NEO1: variants seen among roughly 807,000 people sequenced by gnomAD.
NEO1 encodes the protein neogenin 1, also known as neogenin.
A neutral mutation model predicts 159.7 loss-of-function variants in NEO1; 63 were observed. The ratio of observed to expected loss-of-function variants is 0.39; its 90% confidence interval spans 0.32 to 0.49. NEO1 has a LOEUF of 0.49. Ranked by LOEUF, NEO1 falls within the 20% of genes least tolerant of loss-of-function variation. NEO1 has a pLI of 0.85. For synonymous variants in NEO1, 633 were observed against 662.0 expected, an observed-to-expected ratio of 0.96 and a Z score of 0.67; for missense variants, 1,615 against 1,831.0, an observed-to-expected ratio of 0.88 and a Z score of 2.15.
intron 7 of NEO1, among the ~76,000 whole-genome samples, chr15:73,212,580 A>T (rs1388931290): frequency 6.6e-6 from 1 of 152,222 alleles, no homozygotes; most frequent in Admixed American, 6.5e-5. Context: ...GCTTTTTCAG[A>T]AGACAGTATT....
At position 73,052,643 on chromosome 15, in the gene NEO1, TCGC is replaced by T; in HGVS notation, c.-26_-24del. ...AGGAGGCAAGGGCTCCGCGGCGCTG[TCGC>T]CGCCGCTGCCGCTCACTCTCGGGGA... On this transcript the variant is annotated 5_prime_UTR_variant, in exon 1 of 29. Coordinates refer to ENST00000261908, the MANE Select transcript of NEO1 (RefSeq NM_002499.4). The T allele has an allele frequency of 8.1e-7, 1 of 1,227,264 alleles. No homozygotes were observed. The highest frequency in any genetic ancestry group is 1.0e-6 in the Non-Finnish European group (1 of 978,972). The allele number at this position is 1,227,264 out of a possible 1,614,324, so 76.0% of individuals were successfully genotyped here.
At chr15:73,282,016 T>G (rs1312123889) in intron 22 of NEO1, among the ~76,000 whole-genome samples, 2 of 152,192 alleles carry the variant, frequency 1.3e-5, no homozygotes, top group Non-Finnish European at 2.9e-5. Context: ...GCCTTATCCC[T>G]TTTTTCCTCC....
At chr15:73,182,286 A>C (rs2151973216) in intron 7 of NEO1, among the ~76,000 whole-genome samples, 1 of 152,302 alleles carries the variant, frequency 6.6e-6, no homozygotes, top group African/African-American at 2.4e-5. Flanking sequence ...CATCCAAACC[A>C]TATCACTAGA....
intron 8 of NEO1, among the ~76,000 whole-genome samples, chr15:73,242,528 C>T (rs1442174260): frequency 1.3e-5 from 2 of 151,904 alleles, no homozygotes; most frequent in Admixed American, 6.6e-5. Flanking sequence ...ATTAGCCGGG[C>T]GTGGTGGTGT....
chr15:73,236,412 C>A lies in NEO1; in HGVS notation c.1357C>A (p.Arg453Ser). 6 of 1,614,118 alleles carry A rather than the reference C, an allele frequency of 3.7e-6. No individual in the cohort carries two copies. The highest frequency in any genetic ancestry group is 5.1e-6 in the Non-Finnish European group (6 of 1,180,014). The change falls in exon 8 of 29, where the codon CGC becomes AGC. Residue 453 changes from arginine to serine, a missense_variant. By Grantham distance (110) the Arg-to-Ser change is moderately radical. This residue lies in a region of NEO1 where 1,018 missense variants were observed against 1,115.4 expected (regional missense o/e 0.91). Transcript: ENST00000261908. ...TGTCGTGGCCTCCCTGGTCTCTACCCGCTTCATCAAATTGACGTGGCGGAC... is the reference window on the plus strand; with the variant it reads ...TGTCGTGGCCTCCCTGGTCTCTACCAGCTTCATCAAATTGACGTGGCGGAC... ...RDVVASLVST[R>S]FIKLTWRTPA...
chr15:73,283,268 T>C (rs184672482), intron 23 of NEO1, among the ~76,000 whole-genome samples, 157 bp downstream of exon 23: 14 of 152,360 alleles, frequency 9.2e-5, no homozygotes, highest in Admixed American at 8.5e-4. Flanking sequence ...GTTCCTCTTA[T>C]CAGTCAGTGT....
At chr15:73,089,602 A>AT (rs200249919) in intron 1 of NEO1, among the ~76,000 whole-genome samples, 4,159 of 139,928 alleles carry the variant, frequency 0.03, 110 homozygotes, top group African/African-American at 0.076. Flanking sequence ...AACTTACACC[A>AT]TTTTTTTTTT....
rs767526359 is a variant in NEO1, at chr15:73,301,377, A to G, written c.4222A>G (p.Ser1408Gly). The change falls in exon 28 of 29, where the codon AGC becomes GGC. Residue 1408 changes from serine to glycine, a missense_variant. Coordinates refer to ENST00000261908, the MANE Select transcript of NEO1 (RefSeq NM_002499.4). ...KTASIGTLGR[S>G]RPPMPVVVPS... ...AGCCTCCATCGGGACTCTAGGAAGG[A>G]GCCGGCCTCCTATGCCAGTGGTTGT... is the stretch of plus-strand genomic sequence containing the variant. 7.4e-6 allele frequency: 12 copies of G among 1,614,038 alleles called. No homozygotes were observed. Among genetic ancestry groups the G allele is most frequent in the Middle Eastern group, 1.6e-4 (1 of 6,084 alleles).
chr15:73,274,756 C>T, intron 21 of NEO1, 32 bp downstream of exon 21: 2 of 1,591,822 alleles, frequency 1.3e-6, no homozygotes, highest in Middle Eastern at 1.7e-4. Context: ...CTTTTCTTTC[C>T]TTTCTTTTGT....
chr15:73,107,165 A>G (rs1047046821), intron 1 of NEO1, among the ~76,000 whole-genome samples: 2 of 152,200 alleles, frequency 1.3e-5, no homozygotes, highest in Admixed American at 6.5e-5. Flanking sequence ...GAGATTTATC[A>G]TTATGATTTT....
chr15:73,232,123 T>C (rs574468386), intron 7 of NEO1, among the ~76,000 whole-genome samples: 4 of 152,210 alleles, frequency 2.6e-5, no homozygotes, highest in Non-Finnish European at 5.9e-5. Flanking sequence ...TCTTCACTTT[T>C]GTTGAATATT....
intron 5 of NEO1, among the ~76,000 whole-genome samples, chr15:73,156,999 G>A (rs1310613136): frequency 1.3e-5 from 2 of 152,198 alleles, no homozygotes; most frequent in Non-Finnish European, 2.9e-5. Flanking sequence ...GATGTGGCTT[G>A]TGTAAGTAGG....
chr15:73,240,539 A>C lies in NEO1; in HGVS notation c.1452-3805A>C, dbSNP rs547771681. On this transcript the variant is annotated intron_variant, in intron 8 of 28. Coordinates refer to ENST00000261908, the MANE Select transcript of NEO1 (RefSeq NM_002499.4). Reference sequence around the variant, plus strand: ...GGAGCCAGATGCTGGAATGCCAGTGAGAATTTGGACATAATCAGATAAGAA... The same window carrying C: ...GGAGCCAGATGCTGGAATGCCAGTGCGAATTTGGACATAATCAGATAAGAA... 7.5e-4 allele frequency among the ~76,000 whole-genome samples: 115 copies of C among 152,360 alleles called. 1 individual carries two copies. The highest frequency in any genetic ancestry group is 2.7e-3 in the African/African-American group (111 of 41,584).
At chr15:73,211,974 A>G (rs560917225) in intron 7 of NEO1, among the ~76,000 whole-genome samples, 2 of 152,194 alleles carry the variant, frequency 1.3e-5, no homozygotes, top group African/African-American at 4.8e-5. Context: ...CTTTTTTGTG[A>G]TTACATTGAG....
At chr15:73,186,189 G>A (rs2035914036) in intron 7 of NEO1, among the ~76,000 whole-genome samples, 1 of 151,312 alleles carries the variant, frequency 6.6e-6, no homozygotes, top group South Asian at 2.1e-4. Context: ...AAAAATGTGA[G>A]CTAGAAGACA....
intron 1 of NEO1, among the ~76,000 whole-genome samples, chr15:73,073,430 T>G (rs2068628486): frequency 6.6e-6 from 1 of 152,030 alleles, no homozygotes; most frequent in African/African-American, 2.4e-5. Context: ...TGAGGTCTCA[T>G]GAGTTGGGTG....
intron 8 of NEO1, among the ~76,000 whole-genome samples, chr15:73,237,984 A>G (rs1336569663): frequency 6.6e-6 from 1 of 152,142 alleles, no homozygotes; most frequent in Admixed American, 6.6e-5. Flanking sequence ...ACATCTCCTC[A>G]GGCCTTCCCT....
At chr15:73,151,440 G>C (rs2033361485) in intron 5 of NEO1, among the ~76,000 whole-genome samples, 1 of 152,110 alleles carries the variant, frequency 6.6e-6, no homozygotes, top group Non-Finnish European at 1.5e-5. Context: ...GTTGATTTTA[G>C]CTATTATTTA....
At chr15:73,223,539 C>T (rs1332212461) in intron 7 of NEO1, among the ~76,000 whole-genome samples, 3 of 152,092 alleles carry the variant, frequency 2.0e-5, no homozygotes. Context: ...TATAATGTCC[C>T]TCTTTGTCTC....
Sources: allele counts gnomAD v4.1 joint callset (sites outside exome capture counted in the v4.1 genomes callset), GRCh38; gene constraint gnomAD v4.1.1; regional missense constraint gnomAD v4.1.1; transcripts MANE v1.5; gene names NCBI Gene and HGNC (gene_info 2026-07-23, HGNC 2026-07-21).